SLAMF8: variants seen among roughly 807,000 people sequenced by gnomAD.
SLAMF8 encodes B lymphocyte activator macrophage expressed.
SLAMF8 carries 23 observed loss-of-function variants against 29.0 expected under a neutral mutation model. The observed-to-expected ratio is 0.79, with a 90% CI of 0.57 to 1.13. The LOEUF (loss-of-function observed/expected upper bound fraction) is 1.13, where lower values mean the gene tolerates loss of function less well. Ranked by LOEUF, SLAMF8 falls within the 50% of genes most tolerant of loss-of-function variation. The probability of loss-of-function intolerance (pLI) is 0.00; values close to 1 mark genes in which losing one functional copy is unlikely to be tolerated. For missense variants in SLAMF8, 381 were observed against 353.1 expected (o/e 1.08, Z -0.63); for synonymous variants, 139 against 145.6 (o/e 0.96, Z 0.32).
intron 2 of SLAMF8, among the ~76,000 whole-genome samples, chr1:159,832,532 A>G (rs1000720931): frequency 1.1e-4 from 16 of 152,262 alleles, no homozygotes; most frequent in African/African-American, 3.9e-4. Flanking sequence ...TAGGAGGACA[A>G]GAAGGGAAAG....
intron 4 of SLAMF8, 96 bp from the exon 5 acceptor site, chr1:159,835,088 G>T (rs1647811416): frequency 8.6e-7 from 1 of 1,166,672 alleles, no homozygotes; most frequent in Non-Finnish European, 1.2e-6. Context: ...GTGACCTTGG[G>T]CTAACACACT....
chr1:159,832,770 G>T, intron 2 of SLAMF8, 106 bp from the exon 3 acceptor site: 1 of 1,266,580 alleles, frequency 7.9e-7, no homozygotes, highest in South Asian at 1.4e-5. Context: ...GAACAAGAGA[G>T]GCCTAGCCAG....
chr1:159,827,016 A>G (rs1663664471), intron 1 of SLAMF8, 78 bp downstream of exon 1: 1 of 1,577,988 alleles, frequency 6.3e-7, no homozygotes, highest in Non-Finnish European at 8.7e-7. Context: ...ACGTCTGGGC[A>G]GGGATCCCTC....
At position 159,837,151 on chromosome 1, in the gene SLAMF8, C is replaced by G. The variant is rs1190196447; in HGVS notation, c.*1891C>G. The G allele has an allele frequency of 1.0e-6, 1 of 985,344 alleles. No homozygotes were observed. Among genetic ancestry groups the G allele is most frequent in the African/African-American group, 1.7e-5 (1 of 57,218 alleles). The allele number at this position is 985,344 out of a possible 1,614,324, so 61.0% of individuals were successfully genotyped here. A position where few individuals can be genotyped will look rare whatever the true frequency, so the allele number is the denominator to read the frequency against. The stretch of plus-strand genomic sequence containing the variant: ...CTGCAGCTCTCCCTCCACAAGGTGA[C>G]TCTTAGCAACCTCATTTCGACAGTG... On this transcript the variant is annotated 3_prime_UTR_variant, in exon 5 of 5. Transcript: ENST00000289707.
chr1:159,833,703 T>G (rs1189421509), intron 4 of SLAMF8, among the ~76,000 whole-genome samples: 1 of 152,178 alleles, frequency 6.6e-6, no homozygotes, highest in African/African-American at 2.4e-5. Context: ...CAAGGTGTGC[T>G]TGCTCCAGAA....
chr1:159,827,636 A>G (rs1401847861), intron 1 of SLAMF8, among the ~76,000 whole-genome samples: 1 of 152,134 alleles, frequency 6.6e-6, no homozygotes, highest in Non-Finnish European at 1.5e-5. Context: ...TATGGGGTGC[A>G]GCAAAGATTA....
At chr1:159,826,969 G>A (rs776124022) in intron 1 of SLAMF8, 31 bp downstream of exon 1, 18 of 1,613,806 alleles carry the variant, frequency 1.1e-5, no homozygotes, top group East Asian at 1.1e-4. Flanking sequence ...GCCTGTCCTC[G>A]GAGAGCTGAA....
rs1571147612 is a variant in SLAMF8, at chr1:159,836,430, C to A, written c.*1170C>A. ...AAAAGCTCTGGAGTATTGATCACTA[C>A]TGGAAAAACACTTAAGGAGCTAAAC... On this transcript the variant is annotated 3_prime_UTR_variant, in exon 5 of 5. Coordinates refer to ENST00000289707, the MANE Select transcript of SLAMF8 (RefSeq NM_020125.3). 2.0e-6 allele frequency: 2 copies of A among 985,302 alleles called. No individual in the cohort carries two copies. Among genetic ancestry groups the A allele is most frequent in the South Asian group, 9.4e-5 (2 of 21,294 alleles). 61.0% of individuals were successfully genotyped at this position (985,302 alleles called of 1,614,324 possible).
Position 159,837,336 on chromosome 1 carries a change from T to C in SLAMF8, c.*2076T>C, listed in dbSNP as rs1489270038. On this transcript the variant is annotated 3_prime_UTR_variant, in exon 5 of 5. Coordinates refer to ENST00000289707, the MANE Select transcript of SLAMF8 (RefSeq NM_020125.3). ...AGACCAATTTTGTGCTAATGAGCAT[T>C]GAGACTGATGCTTTGTAAGTCACAC... 3 of 975,702 alleles carry C rather than the reference T, an allele frequency of 3.1e-6. No individual in the cohort carries two copies. Among genetic ancestry groups the C allele is most frequent in the Admixed American group, 6.1e-5 (1 of 16,264 alleles). 60.4% of individuals were successfully genotyped at this position (975,702 alleles called of 1,614,324 possible). A position where few individuals can be genotyped will look rare whatever the true frequency, so the allele number is the denominator to read the frequency against.
chr1:159,832,803 G>C, intron 2 of SLAMF8, 73 bp from the exon 3 acceptor site: 1 of 1,534,738 alleles, frequency 6.5e-7, no homozygotes, highest in Non-Finnish European at 8.9e-7. Flanking sequence ...ACCCTGGGTA[G>C]ATCCCAGAGC....
In SLAMF8 at chr1:159,836,361, C is replaced by T. The variant is rs1647935965; in HGVS notation, c.*1101C>T. 8.1e-6 allele frequency: 8 copies of T among 985,170 alleles called. No individual in the cohort carries two copies. Among genetic ancestry groups the T allele is most frequent in the African/African-American group, 1.7e-5 (1 of 57,210 alleles). The allele number at this position is 985,170 out of a possible 1,614,324, so 61.0% of individuals were successfully genotyped here. The stretch of plus-strand genomic sequence containing the variant: ...GACTCCATCAAACTTTTTATTGTGG[C>T]CATCTTAGGAAAATACATTCTGCCC... On this transcript the variant is annotated 3_prime_UTR_variant, in exon 5 of 5. Transcript: ENST00000289707.
intron 2 of SLAMF8, 44 bp from the exon 3 acceptor site, chr1:159,832,832 C>T: frequency 1.3e-6 from 2 of 1,586,836 alleles, no homozygotes; most frequent in Non-Finnish European, 1.7e-6. Context: ...TGGGCCCTGC[C>T]CAGCATCCCT....
chr1:159,833,467 G>A (rs1348512780), intron 4 of SLAMF8, 98 bp downstream of exon 4: 1 of 1,557,930 alleles, frequency 6.4e-7, no homozygotes, highest in African/African-American at 1.4e-5. Flanking sequence ...CAGATGGTCT[G>A]CCCCTTCCTA....
Position 159,835,365 on chromosome 1 carries a change from T to G in SLAMF8, c.*105T>G. 6.8e-7 allele frequency: 1 copy of G among 1,464,390 alleles called. No homozygotes were observed. The highest frequency in any genetic ancestry group is 9.0e-7 in the Non-Finnish European group (1 of 1,109,166). The allele number at this position is 1,464,390 out of a possible 1,614,324, so 90.7% of individuals were successfully genotyped here. On this transcript the variant is annotated 3_prime_UTR_variant, in exon 5 of 5. Coordinates refer to ENST00000289707, the MANE Select transcript of SLAMF8 (RefSeq NM_020125.3). ...TGGAAATCACCATGGTCCTCATATC[T>G]CCCATGGGAATCCTGTCCTGCCTCG...
chr1:159,833,194 C>A lies in SLAMF8; in HGVS notation c.673+13C>A. On this transcript the variant is annotated intron_variant, in intron 3 of 4. Transcript: ENST00000289707. ...CATCATGAGGCAGGTATGCTAAGGGCCAGCAGTCAGTGGTTGAGGGCTTAT... is the reference window on the plus strand; with the variant it reads ...CATCATGAGGCAGGTATGCTAAGGGACAGCAGTCAGTGGTTGAGGGCTTAT... 6.2e-7 allele frequency: 1 copy of A among 1,613,996 alleles called. No homozygotes were observed. Among genetic ancestry groups the A allele is most frequent in the Non-Finnish European group, 8.5e-7 (1 of 1,179,908 alleles).
chr1:159,835,554 G>T lies in SLAMF8; in HGVS notation c.*294G>T. On this transcript the variant is annotated 3_prime_UTR_variant, in exon 5 of 5. Transcript: ENST00000289707. ...GACACTGGAAGTTCTCCAGGATCCA[G>T]ATCCATGGGGACATTAATAGTCCAA... is the stretch of plus-strand genomic sequence containing the variant. The T allele has an allele frequency of 3.4e-6, 4 of 1,163,502 alleles. No individual in the cohort carries two copies. The highest frequency in any genetic ancestry group is 4.2e-6 in the Non-Finnish European group (4 of 942,368). 72.1% of individuals were successfully genotyped at this position (1,163,502 alleles called of 1,614,324 possible).
chr1:159,837,264 A>G lies in SLAMF8; in HGVS notation c.*2004A>G, dbSNP rs1355558620. 1 of 985,478 alleles carries G rather than the reference A, an allele frequency of 1.0e-6. No individual in the cohort carries two copies. The highest frequency in any genetic ancestry group is 4.7e-5 in the South Asian group (1 of 21,292). 61.0% of individuals were successfully genotyped at this position (985,478 alleles called of 1,614,324 possible). A position where few individuals can be genotyped will look rare whatever the true frequency, so the allele number is the denominator to read the frequency against. On this transcript the variant is annotated 3_prime_UTR_variant, in exon 5 of 5. Transcript: ENST00000289707. ...ATCCTTAATGACTCACTTGTCAACT[A>G]GTGGACTAATTAACCCTCCACCAAA...
chr1:159,830,544 A>G (rs1647420689), intron 2 of SLAMF8, among the ~76,000 whole-genome samples: 2 of 152,110 alleles, frequency 1.3e-5, no homozygotes, highest in Admixed American at 1.3e-4. Flanking sequence ...ATGCAGTGGC[A>G]TTTGCAGTGG....
At position 159,835,185 on chromosome 1, in the gene SLAMF8, G is replaced by C. The variant is rs979509856; in HGVS notation, c.783G>C (p.Gly261=). The change falls in exon 5 of 5, where the codon GGG becomes GGC. Residue 261 remains glycine, a splice_region_variant and synonymous_variant. Coordinates refer to ENST00000289707, the MANE Select transcript of SLAMF8 (RefSeq NM_020125.3). Reference sequence around the variant, plus strand: ...CTTTCTTTCTGATGTCCTTACCAGGGAAAAAGAAAAAGGATGTCCATGCTG... The same window carrying C: ...CTTTCTTTCTGATGTCCTTACCAGGCAAAAAGAAAAAGGATGTCCATGCTG... ...FSAWHWCPCS[G]KKKKDVHADR... The C allele has an allele frequency of 6.2e-7, 1 of 1,613,754 alleles. No homozygotes were observed.
Sources: allele counts gnomAD v4.1 joint callset (sites outside exome capture counted in the v4.1 genomes callset), GRCh38; gene constraint gnomAD v4.1.1; transcripts MANE v1.5; gene names NCBI Gene and HGNC (gene_info 2026-07-23, HGNC 2026-07-21).